PNPLA4: variants seen among roughly 807,000 people sequenced by gnomAD.
PNPLA4 encodes the protein patatin-like phospholipase domain-containing protein 4.
PNPLA4 carries 15 observed loss-of-function variants against 18.3 expected under a neutral mutation model. That is an observed-to-expected ratio of 0.82 (90% CI 0.55 to 1.26). The LOEUF (loss-of-function observed/expected upper bound fraction) is 1.26, where lower values mean the gene tolerates loss of function less well. PNPLA4 is among the 50% of genes most tolerant of loss of function. The pLI is 0.00. For synonymous variants in PNPLA4, 88 were observed against 85.6 expected, an observed-to-expected ratio of 1.03 and a Z score of -0.16; for missense variants, 229 against 196.8, an observed-to-expected ratio of 1.16 and a Z score of -0.98.
Position 7,913,737 on chromosome X carries a change from C to T in PNPLA4, c.412-1644G>A, listed in dbSNP as rs572310157. On this transcript the variant is annotated intron_variant, in intron 4 of 6. Transcript: ENST00000381042. ...GCAGAGCATTAAACCAATGGTGAGG[C>T]CCTTTGGATAGTGGAGCCACGTGCA... Among the ~76,000 whole-genome samples, 75 of 112,592 alleles carry T rather than the reference C, an allele frequency of 6.7e-4. 1 individual carries two copies. In the South Asian group the frequency reaches 0.026, roughly 40 times the overall value.
At chrX:7,922,956 G>T (rs1369894754) in intron 2 of PNPLA4, among the ~76,000 whole-genome samples, 1 of 112,248 alleles carries the variant, frequency 8.9e-6, no homozygotes, top group African/African-American at 3.2e-5. Flanking sequence ...CCCCACAAGG[G>T]TGTGTTTGGC....
chrX:7,918,447 C>T (rs1924112603), intron 4 of PNPLA4, among the ~76,000 whole-genome samples: 1 of 111,308 alleles, frequency 9.0e-6, no homozygotes, highest in South Asian at 3.8e-4. Flanking sequence ...AAAACCATCC[C>T]CATAATTCAA....
intron 2 of PNPLA4, among the ~76,000 whole-genome samples, chrX:7,925,470 TCTTA>T (rs1385417335): frequency 1.8e-5 from 2 of 112,248 alleles, no homozygotes; most frequent in Non-Finnish European, 1.9e-5. Flanking sequence ...CAGAGCTTCC[TCTTA>T]CTGTGAGAAT....
intron 4 of PNPLA4, among the ~76,000 whole-genome samples, chrX:7,920,757 C>T (rs1344313465): frequency 8.9e-6 from 1 of 112,508 alleles, no homozygotes; most frequent in Non-Finnish European, 1.9e-5. Flanking sequence ...AATCAACCAG[C>T]TGAAGTATTT....
intron 5 of PNPLA4, among the ~76,000 whole-genome samples, chrX:7,902,561 C>T (rs969782537): frequency 8.9e-6 from 1 of 112,048 alleles, no homozygotes; most frequent in African/African-American, 3.2e-5. Flanking sequence ...AAAGTAAATA[C>T]AGCAACTAGA....
chrX:7,907,603 C>T (rs1429234157), intron 5 of PNPLA4, among the ~76,000 whole-genome samples: 1 of 112,353 alleles, frequency 8.9e-6, no homozygotes, highest in Non-Finnish European at 1.9e-5. Flanking sequence ...TATTTCCATT[C>T]ATTCACTGAC....
At chrX:7,919,114 A>G (rs1454986975) in intron 4 of PNPLA4, among the ~76,000 whole-genome samples, 1 of 112,982 alleles carries the variant, frequency 8.9e-6, no homozygotes, top group East Asian at 2.8e-4. Flanking sequence ...CTTCTGTTCA[A>G]TGAACTCAAG....
intron 5 of PNPLA4, among the ~76,000 whole-genome samples, chrX:7,903,968 G>A (rs1362287189): frequency 3.8e-5 from 4 of 105,249 alleles, no homozygotes; most frequent in African/African-American, 1.4e-4. Context: ...AAATATAGCT[G>A]GTTATGTAAC....
intron 5 of PNPLA4, among the ~76,000 whole-genome samples, chrX:7,908,857 T>C (rs942420485): frequency 4.5e-4 from 50 of 111,948 alleles, no homozygotes; most frequent in African/African-American, 1.6e-3. Context: ...TCCATCTTCC[T>C]CACAGTTCTG....
intron 5 of PNPLA4, among the ~76,000 whole-genome samples, chrX:7,907,768 T>G (rs1480126944): frequency 9.1e-6 from 1 of 109,585 alleles, no homozygotes; most frequent in Non-Finnish European, 1.9e-5. Context: ...TTGCCCAGGC[T>G]GGAGTACGGT....
chrX:7,925,741 T>C (rs1924372786), intron 2 of PNPLA4, among the ~76,000 whole-genome samples, 199 bp downstream of exon 2: 1 of 112,466 alleles, frequency 8.9e-6, no homozygotes, highest in South Asian at 3.7e-4. Flanking sequence ...CTTATTTCAC[T>C]ATCACCCAAA....
chrX:7,923,018 T>C (rs950326554), intron 2 of PNPLA4, among the ~76,000 whole-genome samples: 1 of 112,497 alleles, frequency 8.9e-6, no homozygotes, highest in Admixed American at 9.4e-5. Context: ...TTTGAGAATA[T>C]GAGGACATCA....
chrX:7,924,537 C>T (rs1924331391), intron 2 of PNPLA4, among the ~76,000 whole-genome samples: 1 of 111,736 alleles, frequency 8.9e-6, no homozygotes, highest in African/African-American at 3.3e-5. Context: ...TATTTTCTAC[C>T]TTCCCATGGG....
chrX:7,910,030 C>A (rs1427204666), intron 5 of PNPLA4, among the ~76,000 whole-genome samples: 1 of 111,976 alleles, frequency 8.9e-6, no homozygotes, highest in African/African-American at 3.2e-5. Context: ...AAGTGAGAGA[C>A]TGGCGTAATA....
At chrX:7,927,560 A>G (rs886755874), upstream of PNPLA4, 1 of 113,518 alleles carries the variant, frequency 8.8e-6, no homozygotes, top group Non-Finnish European at 1.9e-5. Context: ...GCAGGCAAGG[A>G]TTCCTCGTTT....
intron 5 of PNPLA4, among the ~76,000 whole-genome samples, chrX:7,909,366 C>T (rs757663115): frequency 5.8e-4 from 64 of 110,618 alleles, no homozygotes; most frequent in Non-Finnish European, 1.1e-3. Context: ...GAGACCATCC[C>T]GGCTAACACG....
chrX:7,925,059 T>G (rs1924349753), intron 2 of PNPLA4, among the ~76,000 whole-genome samples: 2 of 112,384 alleles, frequency 1.8e-5, no homozygotes, highest in South Asian at 7.3e-4. Flanking sequence ...TTAAATCACT[T>G]TTCTAGTTCC....
chrX:7,900,985 A>G (rs1923513703), intron 6 of PNPLA4, among the ~76,000 whole-genome samples, 168 bp from the exon 7 acceptor site: 1 of 111,724 alleles, frequency 9.0e-6, no homozygotes, highest in Admixed American at 9.6e-5. Flanking sequence ...ACTAAAGGAG[A>G]GTTTCTCAGC....
chrX:7,898,404 C>T lies in PNPLA4; in HGVS notation c.*2282G>A. On this transcript the variant is annotated 3_prime_UTR_variant, in exon 7 of 7. Coordinates refer to ENST00000381042, the MANE Select transcript of PNPLA4 (RefSeq NM_004650.3). ...CTTTCAGATTTTCTATATGCCAGTTCTACAATGCCTCAAAATTTTGATCCC... is the reference window on the plus strand; with the variant it reads ...CTTTCAGATTTTCTATATGCCAGTTTTACAATGCCTCAAAATTTTGATCCC... 9.0e-6 allele frequency: 1 copy of T among 111,634 alleles called. No homozygotes were observed. The highest frequency in any genetic ancestry group is 1.9e-5 in the Non-Finnish European group (1 of 53,142). 9.2% of individuals were successfully genotyped at this position (111,634 alleles called of 1,213,427 possible).
Sources: allele counts gnomAD v4.1 joint callset (sites outside exome capture counted in the v4.1 genomes callset), GRCh38; gene constraint gnomAD v4.1.1; transcripts MANE v1.5; gene names NCBI Gene and HGNC (gene_info 2026-07-23, HGNC 2026-07-21).